Variants in ITPR1 observed in about 807,000 individuals in gnomAD.
The protein encoded by ITPR1 is inositol 1,4,5-trisphosphate receptor type 1.
Under a neutral mutation model 318.4 loss-of-function variants are expected in ITPR1, and 96 were observed. The ratio of observed to expected loss-of-function variants is 0.30; its 90% CI spans 0.26 to 0.36. The LOEUF is 0.36. ITPR1 is among the 10% of genes least tolerant of loss of function. The pLI, the probability that ITPR1 is intolerant of heterozygous loss-of-function variation, is 1.00. For missense variants in ITPR1, 2,440 were observed against 3,460.2 expected, an observed-to-expected ratio of 0.71 and a Z score of 7.40; for synonymous variants, 1,312 against 1,289.9, an observed-to-expected ratio of 1.02 and a Z score of -0.37.
chr3:4,787,337 CAAAAAAAAAAAAAA>C (rs71053443), intron 51 of ITPR1, among the ~76,000 whole-genome samples: 1 of 51,346 alleles, frequency 1.9e-5, no homozygotes, highest in African/African-American at 8.8e-5. Context: ...GACTCCATCT[CAAAAAAAAAAAAAA>C]AAAAAAAAAA....
At chr3:4,652,978 AC>A (rs1377458380) in intron 11 of ITPR1, among the ~76,000 whole-genome samples, 1 of 151,982 alleles carries the variant, frequency 6.6e-6, no homozygotes, top group African/African-American at 2.4e-5. Context: ...ACAGAATGAG[AC>A]TCTGTCTCAA....
At chr3:4,803,423 C>A (rs1366953714) in intron 54 of ITPR1, among the ~76,000 whole-genome samples, 7 of 152,124 alleles carry the variant, frequency 4.6e-5, no homozygotes. Context: ...AATAATGTGG[C>A]CATCTAAAAT....
At chr3:4,699,991 G>T in intron 35 of ITPR1, 50 bp downstream of exon 35, 3 of 1,570,734 alleles carry the variant, frequency 1.9e-6, no homozygotes, top group Non-Finnish European at 2.6e-6. Flanking sequence ...ACCTTCTGCA[G>T]TTGGGCTTGA....
intron 61 of ITPR1, among the ~76,000 whole-genome samples, chr3:4,840,390 TGAAA>T (rs1374783983): frequency 4.6e-5 from 7 of 152,204 alleles, no homozygotes; most frequent in African/African-American, 1.7e-4. Flanking sequence ...AAAACAGCTA[TGAAA>T]GAATACCATT....
intron 40 of ITPR1, among the ~76,000 whole-genome samples, chr3:4,722,955 C>G (rs1017098394): frequency 7.2e-5 from 11 of 152,192 alleles, no homozygotes; most frequent in African/African-American, 2.7e-4. Context: ...TCGAGATCAG[C>G]CAGGCCCACA....
intron 4 of ITPR1, among the ~76,000 whole-genome samples, chr3:4,590,542 T>G (rs1438712735): frequency 6.7e-6 from 1 of 149,462 alleles, no homozygotes; most frequent in African/African-American, 2.4e-5. Flanking sequence ...TAATAATTTT[T>G]TAATTATAAT....
intron 12 of ITPR1, among the ~76,000 whole-genome samples, chr3:4,657,643 T>A (rs759266741): frequency 6.6e-6 from 1 of 152,072 alleles, no homozygotes; most frequent in Non-Finnish European, 1.5e-5. Flanking sequence ...AATTTTTGTA[T>A]TTTTAGTATT....
chr3:4,759,044 G>A (rs2045237154), intron 44 of ITPR1, among the ~76,000 whole-genome samples: 1 of 152,190 alleles, frequency 6.6e-6, no homozygotes, highest in African/African-American at 2.4e-5. Context: ...GAAAGGAGGT[G>A]GGTGTTATGT....
chr3:4,618,699 C>T (rs983720121), intron 4 of ITPR1, among the ~76,000 whole-genome samples: 4 of 152,118 alleles, frequency 2.6e-5, no homozygotes, highest in African/African-American at 9.7e-5. Context: ...ATGATCTGAC[C>T]CTCCTGTTCC....
At chr3:4,564,560 C>T (rs898819636) in intron 4 of ITPR1, among the ~76,000 whole-genome samples, 6 of 152,098 alleles carry the variant, frequency 3.9e-5, no homozygotes, top group African/African-American at 1.2e-4. Flanking sequence ...AACCTGATAA[C>T]CAAGGTAGTG....
At chr3:4,838,823 TC>T (rs2051121045) in intron 61 of ITPR1, among the ~76,000 whole-genome samples, 1 of 152,248 alleles carries the variant, frequency 6.6e-6, no homozygotes, top group Admixed American at 6.5e-5. Context: ...CTAGAGAGTT[TC>T]TTAAAATGTA....
chr3:4,603,118 AG>A (rs2091424263), intron 4 of ITPR1, among the ~76,000 whole-genome samples: 1 of 152,220 alleles, frequency 6.6e-6, no homozygotes, highest in Non-Finnish European at 1.5e-5. Flanking sequence ...CTACAAAACA[AG>A]TGAAAAAAGT....
intron 40 of ITPR1, among the ~76,000 whole-genome samples, chr3:4,717,939 C>T (rs896447730): frequency 2.6e-5 from 4 of 152,192 alleles, no homozygotes; most frequent in Non-Finnish European, 4.4e-5. Flanking sequence ...TCCGCAGGCT[C>T]ACCGGCAAGG....
intron 16 of ITPR1, among the ~76,000 whole-genome samples, chr3:4,663,681 A>G (rs1017469540): frequency 2.0e-5 from 3 of 152,208 alleles, no homozygotes; most frequent in African/African-American, 7.2e-5. Context: ...CATAGTTTAC[A>G]TTAGGGTTCT....
chr3:4,723,256 G>A (rs1394837485), intron 40 of ITPR1, among the ~76,000 whole-genome samples: 1 of 152,198 alleles, frequency 6.6e-6, no homozygotes, highest in South Asian at 2.1e-4. Context: ...CACACAGAGA[G>A]CCAGAGCTAA....
At chr3:4,679,298 G>A (rs1454579356) in intron 24 of ITPR1, among the ~76,000 whole-genome samples, 1 of 152,202 alleles carries the variant, frequency 6.6e-6, no homozygotes, top group Non-Finnish European at 1.5e-5. Flanking sequence ...AGACAAGAGG[G>A]GGTTTATTAT....
chr3:4,525,082 TA>T (rs2082870774), intron 4 of ITPR1, among the ~76,000 whole-genome samples: 1 of 152,098 alleles, frequency 6.6e-6, no homozygotes, highest in Non-Finnish European at 1.5e-5. Context: ...TATATATTGT[TA>T]TTTTTTTTTT....
At chr3:4,785,779 T>C (rs1368942607) in intron 51 of ITPR1, among the ~76,000 whole-genome samples, 1 of 152,194 alleles carries the variant, frequency 6.6e-6, no homozygotes, top group African/African-American at 2.4e-5. Context: ...ACCTAGCTTT[T>C]TAGGGATGTT....
chr3:4,750,768 T>G (rs1012553591), intron 44 of ITPR1: 2 of 152,192 alleles, frequency 1.3e-5, no homozygotes, highest in Admixed American at 6.6e-5. Context: ...TCTGTAAGCT[T>G]CCTTGTTTCT....
Sources: allele counts gnomAD v4.1 joint callset (sites outside exome capture counted in the v4.1 genomes callset), GRCh38; gene constraint gnomAD v4.1.1; transcripts MANE v1.5; gene names NCBI Gene and HGNC (gene_info 2026-07-23, HGNC 2026-07-21).